SHOX: variants seen among roughly 807,000 people sequenced by gnomAD.
SHOX encodes SHOX homeobox, also known as short stature homeobox protein.
In SHOX, 12 loss-of-function variants were observed where a neutral mutation model predicts 29.6. The observed-to-expected ratio is 0.41, with a 90% CI of 0.26 to 0.66. The LOEUF (loss-of-function observed/expected upper bound fraction) is 0.66, where lower values mean the gene tolerates loss of function less well. Ranked by LOEUF, SHOX falls within the 30% of genes least tolerant of loss-of-function variation. The probability of loss-of-function intolerance (pLI) is 0.35; values close to 1 mark genes in which losing one functional copy is unlikely to be tolerated. For missense variants in SHOX, 499 were observed against 437.7 expected, an observed-to-expected ratio of 1.14 and a Z score of -1.25; for synonymous variants, 214 against 200.6, an observed-to-expected ratio of 1.07 and a Z score of -0.57.
intron 4 of SHOX, among the ~76,000 whole-genome samples, chrX:641,621 C>T (rs1423447688): frequency 5.4e-5 from 8 of 148,906 alleles, no homozygotes; most frequent in Non-Finnish European, 5.9e-5. Flanking sequence ...TGGAGGTTGC[C>T]GTGAGCCAAT....
chrX:655,602 CTCTCTCTCTCTCTATATA>C (rs1348420320), downstream of SHOX, among the ~76,000 whole-genome samples: 226 of 43,194 alleles, frequency 5.2e-3, no homozygotes, highest in Non-Finnish European at 6.4e-3. Flanking sequence ...CTCTCTCTCT[CTCTCTCTCTCTCTATATA>C]TATATATATA....
rs2052943805 is a variant in SHOX at position 645,231 on chromosome X, G to C, written c.*595G>C. 6.6e-6 allele frequency: 1 copy of C among 152,184 alleles called. No homozygotes were observed. The highest frequency in any genetic ancestry group is 6.5e-5 in the Admixed American group (1 of 15,272). 9.4% of individuals were successfully genotyped at this position (152,184 alleles called of 1,614,324 possible). On this transcript the variant is annotated 3_prime_UTR_variant, in exon 5 of 5. Transcript: ENST00000686671. ...AATAAGGAAATAGTTCTCTGGCTGA[G>C]GCTGAGGACGTGAACCGCGGGCTTT...
At chrX:639,185 C>T (rs1004869716) in intron 2 of SHOX, among the ~76,000 whole-genome samples, 10 of 152,158 alleles carry the variant, frequency 6.6e-5, no homozygotes, top group Non-Finnish European at 5.9e-5. Context: ...CTGAGGGTCC[C>T]CTGCGCTATT....
chrX:645,154 G>A lies in SHOX; in HGVS notation c.*518G>A, dbSNP rs961602238. 6.6e-6 allele frequency: 1 copy of A among 152,592 alleles called. No individual in the cohort carries two copies. Among genetic ancestry groups the A allele is most frequent in the African/African-American group, 2.4e-5 (1 of 41,444 alleles). 9.5% of individuals were successfully genotyped at this position (152,592 alleles called of 1,614,324 possible). On this transcript the variant is annotated 3_prime_UTR_variant, in exon 5 of 5. Transcript: ENST00000686671. The stretch of plus-strand genomic sequence containing the variant: ...TTGAATGTGGACTTCGGAATCCCAG[G>A]AGGCAGGGGCCGGGCTCTCCTCCAC...
chrX:629,409 C>T (rs984297380), upstream of SHOX, among the ~76,000 whole-genome samples: 1 of 151,880 alleles, frequency 6.6e-6, no homozygotes, highest in Non-Finnish European at 1.5e-5. Flanking sequence ...CTCCATCTCT[C>T]TCCGTCTTTC....
chrX:659,297 G>C (rs1264937987), exon 6 of SHOX: 3 of 151,926 alleles, frequency 2.0e-5, no homozygotes, highest in Non-Finnish European at 2.9e-5. Flanking sequence ...TTGCTGCTGA[G>C]GCTGGTCTTG....
intron 2 of SHOX, 108 bp from the exon 3 acceptor site, chrX:640,713 C>A (rs1211193153): frequency 1.6e-6 from 2 of 1,253,852 alleles, no homozygotes; most frequent in Non-Finnish European, 2.3e-6. Flanking sequence ...CACCTCCCAG[C>A]TCCCAGAGGT....
intron 1 of SHOX, among the ~76,000 whole-genome samples, chrX:633,375 T>C (rs183469110): frequency 4.2e-4 from 64 of 151,812 alleles, no homozygotes; most frequent in African/African-American, 1.5e-3. Context: ...AACGATTCAC[T>C]TGGGGGGAAG....
At chrX:631,381 GC>G (rs1331205837) in intron 1 of SHOX, among the ~76,000 whole-genome samples, 12 of 152,226 alleles carry the variant, frequency 7.9e-5, no homozygotes, top group Non-Finnish European at 1.8e-4. Context: ...GTAGCGGGGT[GC>G]GGGGGGACCC....
chrX:644,104 G>T (rs1193177876), intron 4 of SHOX, among the ~76,000 whole-genome samples: 2 of 152,110 alleles, frequency 1.3e-5, no homozygotes, highest in Non-Finnish European at 2.9e-5. Context: ...AGAGCGCATC[G>T]GGAGCTCCCC....
chrX:635,746 G>T (rs966300479), intron 2 of SHOX, among the ~76,000 whole-genome samples: 1 of 152,140 alleles, frequency 6.6e-6, no homozygotes, highest in Non-Finnish European at 1.5e-5. Context: ...GTGCTGCTGG[G>T]AGAGCCTCCA....
At chrX:636,222 ATAT>A (rs2052744848) in intron 2 of SHOX, among the ~76,000 whole-genome samples, 2 of 146,260 alleles carry the variant, frequency 1.4e-5, no homozygotes, top group African/African-American at 5.0e-5. Context: ...ATAAACACAT[ATAT>A]AATATATAAA....
chrX:643,424 T>G (rs1234869296), intron 4 of SHOX, among the ~76,000 whole-genome samples: 52 of 91,338 alleles, frequency 5.7e-4, no homozygotes, highest in Admixed American at 9.3e-4. Flanking sequence ...CTGGTGACCT[T>G]GGAGAGGCCT....
chrX:633,354 C>T (rs1470033543), intron 1 of SHOX, among the ~76,000 whole-genome samples: 8 of 151,944 alleles, frequency 5.3e-5, no homozygotes. Context: ...GAGCTGGGGT[C>T]GTCTCCAGGA....
downstream of SHOX, among the ~76,000 whole-genome samples, chrX:651,829 C>T (rs775414484): frequency 1.3e-3 from 205 of 152,026 alleles, no homozygotes; most frequent in African/African-American, 4.8e-3. Context: ...TCTCAGCCAA[C>T]GTCCCCCCAG....
downstream of SHOX, among the ~76,000 whole-genome samples, chrX:652,513 T>C (rs1221601307): frequency 6.6e-6 from 1 of 151,544 alleles, no homozygotes; most frequent in Non-Finnish European, 1.5e-5. Flanking sequence ...GGTTACAGGG[T>C]GGGCAGTGCT....
At chrX:652,044 T>C (rs2053074027), downstream of SHOX, among the ~76,000 whole-genome samples, 2 of 152,146 alleles carry the variant, frequency 1.3e-5, no homozygotes, top group South Asian at 4.2e-4. Flanking sequence ...TGCCTCAGCC[T>C]CCCGAGTAGC....
rs112941832 is a variant in SHOX, at chrX:634,326, TAA to T, written c.278-282_278-281del. On this transcript the variant is annotated intron_variant, in intron 1 of 4. Transcript: ENST00000686671. ...ATAGGATTTGACACCCCACTCTCCTTAAAAAAAAAAATAAGAAAAAAAGGTTA... is the reference window on the plus strand; with the variant it reads ...ATAGGATTTGACACCCCACTCTCCTTAAAAAAAAATAAGAAAAAAAGGTTA... Among the ~76,000 whole-genome samples, 852 of 148,118 alleles carry T rather than the reference TAA, an allele frequency of 5.8e-3. 8 individuals carry two copies. The highest frequency in any genetic ancestry group is 0.021 in the African/African-American group (827 of 40,298).
Position 644,531 on chromosome X carries a change from G to C in SHOX, c.774G>C (p.Ser258=), listed in dbSNP as rs970098364. 18 of 1,517,840 alleles carry C rather than the reference G, an allele frequency of 1.2e-5. No homozygotes were observed. In the Admixed American group the frequency reaches 2.8e-4, roughly 24 times the overall value. 94.0% of individuals were successfully genotyped at this position (1,517,840 alleles called of 1,614,324 possible). ...LPIASLAESA[S]AAAVVAAAAK... ...TCGCGTCGCTGGCCGAGTCCGCCTC[G>C]GCCGCCGCCGTGGTCGCCGCCGCCG... Residue 258 remains serine, a synonymous_variant, in exon 5 of 5, where the codon TCG becomes TCC. Coordinates refer to ENST00000686671, the MANE Select transcript of SHOX (RefSeq NM_000451.4).
Sources: allele counts gnomAD v4.1 joint callset (sites outside exome capture counted in the v4.1 genomes callset), GRCh38; gene constraint gnomAD v4.1.1; transcripts MANE v1.5; gene names NCBI Gene and HGNC (gene_info 2026-07-23, HGNC 2026-07-21).